The following EPB41 variants were observed in gnomAD, a reference collection of about 807,000 sequenced individuals.
The protein encoded by EPB41 is erythrocyte membrane protein band 4.1.
Under a neutral mutation model 108.0 loss-of-function variants are expected in EPB41, and 65 were observed. The ratio of observed to expected loss-of-function variants is 0.60; its 90% confidence interval spans 0.49 to 0.74. The LOEUF (loss-of-function observed/expected upper bound fraction) is 0.74, where lower values mean the gene tolerates loss of function less well. Among genes scored for constraint, EPB41 ranks in the 30% least tolerant of loss-of-function variants. EPB41 has a pLI of 0.00. For synonymous variants in EPB41, 336 were observed against 358.9 expected (o/e 0.94, Z 0.72); for missense variants, 875 against 1,037.0 (o/e 0.84, Z 2.15).
At chr1:28,997,407 T>G in intron 4 of EPB41, 88 bp downstream of exon 4, 1 of 808,476 alleles carries the variant, frequency 1.2e-6, no homozygotes, top group East Asian at 2.6e-5. Flanking sequence ...CCTGCTTCTC[T>G]AAGCCAGTGT....
chr1:28,947,233 C>T (rs2094515663), intron 1 of EPB41, among the ~76,000 whole-genome samples: 1 of 152,158 alleles, frequency 6.6e-6, no homozygotes, highest in South Asian at 2.1e-4. Context: ...CATGGTGAGA[C>T]CTCAAATCCA....
Position 29,063,390 on chromosome 1 carries a change from T to G in EPB41, c.2008-1592T>G, listed in dbSNP as rs1646857786. ...TGCCCTTTTGGAGTTAGCTTTCTGT[T>G]TGATCTCAAAGCAGGTATACATGGT... On this transcript the variant is annotated intron_variant, in intron 15 of 20. Transcript: ENST00000343067. 3.3e-5 allele frequency among the ~76,000 whole-genome samples: 5 copies of G among 152,186 alleles called. No individual in the cohort carries two copies. The South Asian group carries it at 8.3e-4, about 25-fold the overall frequency.
intron 16 of EPB41, chr1:29,069,434 T>C (rs1650174394): frequency 1.6e-6 from 2 of 1,224,636 alleles, no homozygotes; most frequent in Non-Finnish European, 2.0e-6. Flanking sequence ...TAAACCTTCA[T>C]GATGGTCATT....
chr1:28,916,658 A>G lies in EPB41; in HGVS notation c.-8+1890A>G, dbSNP rs540350471. ...TCAAAAAAAGGTGAACTCATTGTTG[A>G]ACATAAGTTCAGAATGCCAACCTTC... On this transcript the variant is annotated intron_variant, in intron 1 of 20. Transcript: ENST00000343067. Among the ~76,000 whole-genome samples the G allele has an allele frequency of 5.9e-5, 9 of 152,342 alleles. No homozygotes were observed. The South Asian group carries it at 8.3e-4, about 14-fold the overall frequency.
rs186568512 is a variant in EPB41 at position 29,070,060 on chromosome 1, C to T, written c.2184+4902C>T. The T allele has an allele frequency of 2.3e-5, 5 of 218,008 alleles. No homozygotes were observed. The East Asian group carries it at 4.9e-4, about 21-fold the overall frequency. The allele number at this position is 218,008 out of a possible 1,614,324, so 13.5% of individuals were successfully genotyped here. A position where few individuals can be genotyped will look rare whatever the true frequency, so the allele number is the denominator to read the frequency against. ...GCAGCACCAAAGTAATAGAAAATGA[C>T]CTAAAATTCATATGTGAATATCCTC... On this transcript the variant is annotated intron_variant, in intron 16 of 20. Transcript: ENST00000343067.
intron 8 of EPB41, 59 bp from the exon 9 acceptor site, chr1:29,033,034 G>T (rs2096810113): frequency 6.6e-7 from 1 of 1,512,914 alleles, no homozygotes. Context: ...TCTAGTAATA[G>T]TCAACAGTGT....
intron 16 of EPB41, among the ~76,000 whole-genome samples, chr1:29,066,724 A>G (rs1307563671): frequency 1.3e-5 from 2 of 152,114 alleles, no homozygotes; most frequent in Non-Finnish European, 1.5e-5. Flanking sequence ...CCAAGGCTGG[A>G]ATGCAATGGC....
At chr1:29,089,890 G>A (rs1030196981) in intron 16 of EPB41, among the ~76,000 whole-genome samples, 1 of 152,192 alleles carries the variant, frequency 6.6e-6, no homozygotes, top group Admixed American at 6.6e-5. Context: ...AGGAAGGTTT[G>A]AGATGAGAAA....
At chr1:28,990,332 C>CTTCCTTCCTTCCTTCCTTCCTTCCTTCT (rs2095984127) in intron 2 of EPB41, among the ~76,000 whole-genome samples, 1 of 135,820 alleles carries the variant, frequency 7.4e-6, no homozygotes, top group Admixed American at 7.5e-5. Flanking sequence ...TCCTTCCTTC[C>CTTCCTTCCTTCCTTCCTTCCTTCCTTCT]TTCCCTCCCT....
intron 1 of EPB41, among the ~76,000 whole-genome samples, chr1:28,934,364 C>T (rs1230823937): frequency 6.6e-6 from 1 of 152,118 alleles, no homozygotes; most frequent in Non-Finnish European, 1.5e-5. Context: ...ACTTTCCCCC[C>T]TTTTCCATAC....
chr1:28,915,633 A>C (rs981152295), intron 1 of EPB41, among the ~76,000 whole-genome samples: 1 of 149,884 alleles, frequency 6.7e-6, no homozygotes, highest in Non-Finnish European at 1.5e-5. Flanking sequence ...TGTACCCTGT[A>C]CCCTGCCATA....
intron 1 of EPB41, chr1:28,902,397 C>G: frequency 1.0e-6 from 1 of 984,840 alleles, no homozygotes; most frequent in Non-Finnish European, 1.2e-6. Flanking sequence ...TGGTAATTAG[C>G]ACTTAGGCCT....
At chr1:29,106,370 A>G (rs780430078) in intron 17 of EPB41, among the ~76,000 whole-genome samples, 2 of 152,112 alleles carry the variant, frequency 1.3e-5, no homozygotes, top group Non-Finnish European at 2.9e-5. Context: ...AGCTAATTTT[A>G]TTTGTATAAT....
chr1:28,904,330 T>G (rs543959626), intron 1 of EPB41, among the ~76,000 whole-genome samples: 2 of 152,218 alleles, frequency 1.3e-5, no homozygotes, highest in African/African-American at 4.8e-5. Context: ...TGTCCCCACT[T>G]CCAGGGAGGC....
intron 1 of EPB41, among the ~76,000 whole-genome samples, chr1:28,967,013 C>CTTTTTTTTT (rs71586876): frequency 4.7e-5 from 4 of 85,368 alleles, no homozygotes; most frequent in Non-Finnish European, 6.3e-5. Context: ...ATATGAGAAC[C>CTTTTTTTTT]TTTTTTTTTT....
chr1:29,043,746 C>T (rs1642342777), intron 11 of EPB41, among the ~76,000 whole-genome samples: 1 of 152,092 alleles, frequency 6.6e-6, no homozygotes, highest in Admixed American at 6.6e-5. Flanking sequence ...AATCTGAATC[C>T]CATTTTTAAA....
At chr1:29,107,124 G>A (rs779102193) in intron 17 of EPB41, among the ~76,000 whole-genome samples, 10 of 151,678 alleles carry the variant, frequency 6.6e-5, no homozygotes, top group African/African-American at 9.7e-5. Flanking sequence ...TGGAGGTTGC[G>A]GTGAGCCGAG....
Position 29,065,123 on chromosome 1 carries a change from CTT to C in EPB41, c.2150_2151del (p.Leu717GlnfsTer25). On this transcript the variant is annotated frameshift_variant, in exon 16 of 21. Transcript: ENST00000343067. LOFTEE classifies it high-confidence loss of function. ...ATCCACTCACTCACCCTTCCGAACT[CTT>C]AACATCAATGGGCAAATCCCCACAG... ...RLSTHSPFRTLNINGQIPTGE... is the reference protein window; with the variant it reads ...RLSTHSPFRTXNINGQIPTGE... 1 of 1,610,528 alleles carries C rather than the reference CTT, an allele frequency of 6.2e-7. No homozygotes were observed. Among genetic ancestry groups the C allele is most frequent in the Non-Finnish European group, 8.5e-7 (1 of 1,177,380 alleles).
chr1:28,939,551 C>T (rs2094189683), intron 1 of EPB41, among the ~76,000 whole-genome samples: 1 of 152,074 alleles, frequency 6.6e-6, no homozygotes, highest in Non-Finnish European at 1.5e-5. Context: ...TCAAGCGATT[C>T]TCCTGGCTCA....
Sources: allele counts gnomAD v4.1 joint callset (sites outside exome capture counted in the v4.1 genomes callset), GRCh38; gene constraint gnomAD v4.1.1; transcripts MANE v1.5; gene names NCBI Gene and HGNC (gene_info 2026-07-23, HGNC 2026-07-21).